The following UNC5D variants were observed in gnomAD, a reference collection of about 807,000 sequenced individuals.
The protein encoded by UNC5D is netrin receptor UNC5D.
A neutral mutation model predicts 105.4 loss-of-function variants in UNC5D; 39 were observed. The ratio of observed to expected loss-of-function variants is 0.37; its 90% CI spans 0.29 to 0.48. UNC5D has a LOEUF of 0.48. Ranked by LOEUF, UNC5D falls within the 20% of genes least tolerant of loss-of-function variation. The probability of loss-of-function intolerance (pLI) is 0.98; values close to 1 mark genes in which losing one functional copy is unlikely to be tolerated. For synonymous variants in UNC5D, 452 were observed against 450.4 expected (o/e 1.00, Z -0.04); for missense variants, 991 against 1,202.4 (o/e 0.82, Z 2.60).
chr8:35,594,563 A>G (rs1819371873), intron 3 of UNC5D, among the ~76,000 whole-genome samples: 2 of 152,154 alleles, frequency 1.3e-5, no homozygotes, highest in African/African-American at 4.8e-5. Context: ...TTGCCCTACT[A>G]TCCTGTGCTT....
Position 35,256,937 on chromosome 8 carries a change from T to G in UNC5D, c.103+21050T>G, listed in dbSNP as rs926977850. Among the ~76,000 whole-genome samples, 65 of 151,600 alleles carry G rather than the reference T, an allele frequency of 4.3e-4. 1 individual carries two copies. Among genetic ancestry groups the G allele is most frequent in the African/African-American group, 1.5e-3 (60 of 41,358 alleles). On this transcript the variant is annotated intron_variant, in intron 1 of 16. Transcript: ENST00000404895. ...GAAATCCATCTTTTTGGTTTTGTTT[T>G]TGGCTCTCCTGCTCTTTTTTTGTTT...
intron 8 of UNC5D, among the ~76,000 whole-genome samples, chr8:35,708,934 T>C (rs988196287): frequency 6.6e-6 from 1 of 152,162 alleles, no homozygotes; most frequent in Non-Finnish European, 1.5e-5. Context: ...TCCCATCTTC[T>C]CTATTTCAGG....
At chr8:35,763,476 A>T (rs1043044681) in intron 14 of UNC5D, among the ~76,000 whole-genome samples, 1 of 147,296 alleles carries the variant, frequency 6.8e-6, no homozygotes, top group South Asian at 2.1e-4. Flanking sequence ...GAAGGCAAGC[A>T]TTACCAAAGA....
At chr8:35,378,313 C>T (rs2128930048) in intron 1 of UNC5D, among the ~76,000 whole-genome samples, 1 of 152,192 alleles carries the variant, frequency 6.6e-6, no homozygotes, top group East Asian at 1.9e-4. Context: ...TAGTGTCAAC[C>T]CCCTAGTTGT....
chr8:35,261,785 A>G (rs1804516595), intron 1 of UNC5D, among the ~76,000 whole-genome samples: 1 of 152,158 alleles, frequency 6.6e-6, no homozygotes, highest in African/African-American at 2.4e-5. Flanking sequence ...TATTTCCTTG[A>G]GTTTTATAAC....
At chr8:35,348,997 G>A (rs550980959) in intron 1 of UNC5D, among the ~76,000 whole-genome samples, 1 of 151,856 alleles carries the variant, frequency 6.6e-6, no homozygotes, top group East Asian at 1.9e-4. Context: ...AAAAAATTTA[G>A]CAAATTTACA....
At chr8:35,352,882 C>T (rs1172518811) in intron 1 of UNC5D, among the ~76,000 whole-genome samples, 9 of 152,032 alleles carry the variant, frequency 5.9e-5, no homozygotes, top group African/African-American at 1.9e-4. Flanking sequence ...CAAAGTGCTG[C>T]AATTACAGGC....
At chr8:35,397,740 G>A (rs1804197014) in intron 1 of UNC5D, among the ~76,000 whole-genome samples, 1 of 152,156 alleles carries the variant, frequency 6.6e-6, no homozygotes, top group African/African-American at 2.4e-5. Flanking sequence ...TTTGTAGTCT[G>A]GGTTGCTGCA....
intron 1 of UNC5D, among the ~76,000 whole-genome samples, chr8:35,391,143 G>T (rs1803746870): frequency 6.6e-6 from 1 of 152,206 alleles, no homozygotes; most frequent in Admixed American, 6.5e-5. Context: ...AAAAACGTTT[G>T]CAAAGAAACT....
chr8:35,525,405 A>G, intron 1 of UNC5D: 1 of 1,612,026 alleles, frequency 6.2e-7, no homozygotes, highest in East Asian at 2.2e-5. Context: ...GGTCTTGTGA[A>G]TGGTCTGGAA....
chr8:35,506,494 A>G (rs1410313545), intron 1 of UNC5D, among the ~76,000 whole-genome samples: 1 of 152,248 alleles, frequency 6.6e-6, no homozygotes, highest in African/African-American at 2.4e-5. Context: ...ATTCAGCAAC[A>G]GTAGTATTCA....
chr8:35,713,907 G>C (rs1414578690), intron 8 of UNC5D, among the ~76,000 whole-genome samples: 7 of 152,240 alleles, frequency 4.6e-5, no homozygotes, highest in Non-Finnish European at 1.0e-4. Context: ...ACTGTAGTGT[G>C]AGCAGAACGT....
intron 15 of UNC5D, among the ~76,000 whole-genome samples, chr8:35,768,340 G>A (rs537854638): frequency 4.9e-4 from 75 of 152,246 alleles, no homozygotes; most frequent in African/African-American, 1.6e-3. Context: ...TAGTTTTGAC[G>A]GAGAAGGTAG....
At chr8:35,544,317 G>A (rs1190128511) in intron 1 of UNC5D, 1 of 1,453,856 alleles carries the variant, frequency 6.9e-7, no homozygotes, top group African/African-American at 1.4e-5. Flanking sequence ...TGCTGGCTTT[G>A]TGTAAGAAGG....
At chr8:35,271,338 T>TGTGTATGTATTGTGCAC (rs1563267165) in intron 1 of UNC5D, among the ~76,000 whole-genome samples, 1 of 80,302 alleles carries the variant, frequency 1.2e-5, no homozygotes, top group Non-Finnish European at 2.4e-5. Context: ...CACACGTGCA[T>TGTGTATGTATTGTGCAC]GTGTGTATGT....
chr8:35,280,744 G>T (rs1377323364), intron 1 of UNC5D, among the ~76,000 whole-genome samples: 1 of 152,102 alleles, frequency 6.6e-6, no homozygotes, highest in Non-Finnish European at 1.5e-5. Context: ...ATTGCCACCA[G>T]TTTAGCCTTA....
chr8:35,331,950 C>A (rs1179786423), intron 1 of UNC5D, among the ~76,000 whole-genome samples: 1 of 152,154 alleles, frequency 6.6e-6, no homozygotes, highest in Non-Finnish European at 1.5e-5. Flanking sequence ...TGGTAGGCAT[C>A]ATTATGATTT....
At chr8:35,736,552 T>C (rs1225398963) in intron 11 of UNC5D, among the ~76,000 whole-genome samples, 1 of 152,220 alleles carries the variant, frequency 6.6e-6, no homozygotes, top group Non-Finnish European at 1.5e-5. Context: ...GTTGATATAT[T>C]TCATACCATA....
intron 1 of UNC5D, among the ~76,000 whole-genome samples, chr8:35,533,843 C>G (rs1207163744): frequency 6.6e-6 from 1 of 152,186 alleles, no homozygotes; most frequent in African/African-American, 2.4e-5. Flanking sequence ...CTTTGACTCG[C>G]AAAGGGGACT....
Sources: allele counts gnomAD v4.1 joint callset (sites outside exome capture counted in the v4.1 genomes callset), GRCh38; gene constraint gnomAD v4.1.1; transcripts MANE v1.5; gene names NCBI Gene and HGNC (gene_info 2026-07-23, HGNC 2026-07-21).